RPH3A: variants seen among roughly 807,000 people sequenced by gnomAD.
The protein encoded by RPH3A is rabphilin-3A.
RPH3A carries 48 observed loss-of-function variants against 102.2 expected under a neutral mutation model. The observed-to-expected ratio is 0.47, with a 90% CI of 0.37 to 0.60. RPH3A has a LOEUF of 0.60. Ranked by LOEUF, RPH3A falls within the 20% of genes least tolerant of loss-of-function variation. The probability of loss-of-function intolerance (pLI) is 0.00; values close to 1 mark genes in which losing one functional copy is unlikely to be tolerated. For synonymous variants in RPH3A, 310 were observed against 324.3 expected (o/e 0.96, Z 0.47); for missense variants, 781 against 910.1 (o/e 0.86, Z 1.83).
chr12:112,779,686 T>A (rs1388535962), intron 1 of RPH3A, among the ~76,000 whole-genome samples: 2 of 152,098 alleles, frequency 1.3e-5, no homozygotes, highest in Non-Finnish European at 2.9e-5. Flanking sequence ...GACCACCATC[T>A]CCATACCCAT....
chr12:112,754,268 CA>C (rs1159904162), intron 1 of RPH3A, among the ~76,000 whole-genome samples: 1 of 152,194 alleles, frequency 6.6e-6, no homozygotes, highest in African/African-American at 2.4e-5. Context: ...GTAAAATGAA[CA>C]CCCTCTTCTG....
intron 1 of RPH3A, among the ~76,000 whole-genome samples, chr12:112,716,986 A>G (rs1276270871): frequency 6.6e-6 from 1 of 152,138 alleles, no homozygotes; most frequent in Non-Finnish European, 1.5e-5. Flanking sequence ...AATAGCAAAC[A>G]TCAATCGCTG....
chr12:112,725,267 A>C (rs866125211), intron 1 of RPH3A, among the ~76,000 whole-genome samples: 21,464 of 142,678 alleles, frequency 0.15, 1,907 homozygotes, highest in Admixed American at 0.2. Flanking sequence ...AAAAAAAAAA[A>C]AAAAAAAAAA....
At chr12:112,849,016 A>C (rs113251080) in intron 5 of RPH3A, among the ~76,000 whole-genome samples, 4,826 of 152,226 alleles carry the variant, frequency 0.032, 281 homozygotes, top group African/African-American at 0.11. Context: ...CTATGCCCCT[A>C]CCCAAGCCCT....
chr12:112,701,269 A>G (rs2136029143), intron 1 of RPH3A, among the ~76,000 whole-genome samples: 1 of 152,294 alleles, frequency 6.6e-6, no homozygotes, highest in Admixed American at 6.5e-5. Context: ...TACTCTTTAG[A>G]TGTAAGGAAA....
chr12:112,854,806 A>C (rs1175771734), intron 5 of RPH3A, among the ~76,000 whole-genome samples: 1 of 152,250 alleles, frequency 6.6e-6, no homozygotes, highest in East Asian at 1.9e-4. Context: ...GCCAAACCAG[A>C]CTTTGAACTT....
At chr12:112,838,371 C>T (rs1275899787) in intron 4 of RPH3A, among the ~76,000 whole-genome samples, 3 of 152,212 alleles carry the variant, frequency 2.0e-5, no homozygotes, top group Non-Finnish European at 4.4e-5. Context: ...GTGGGGGACC[C>T]ACAGCATCCC....
intron 3 of RPH3A, among the ~76,000 whole-genome samples, chr12:112,835,481 C>T (rs2136167171): frequency 6.6e-6 from 1 of 152,338 alleles, no homozygotes; most frequent in Non-Finnish European, 1.5e-5. Context: ...AGTCTGGACG[C>T]CATTTCATTA....
intron 1 of RPH3A, among the ~76,000 whole-genome samples, chr12:112,626,402 A>G (rs1353989110): frequency 4.2e-5 from 1 of 23,708 alleles, no homozygotes; most frequent in East Asian, 1.9e-3. Context: ...GGCGAAGGAC[A>G]TGAACAGACA....
chr12:112,774,214 A>G lies in RPH3A; in HGVS notation c.-139-17929A>G, dbSNP rs371938428. Reference sequence around the variant, plus strand: ...GATATATAGAGAGGTATATCTATGTATGTATATGTACAGAGATAGATATTT... The same window carrying G: ...GATATATAGAGAGGTATATCTATGTGTGTATATGTACAGAGATAGATATTT... On this transcript the variant is annotated intron_variant, in intron 1 of 21. Transcript: ENST00000543106. Among the ~76,000 whole-genome samples the G allele has an allele frequency of 1.2e-4, 19 of 152,350 alleles. 1 individual carries two copies. The highest frequency in any genetic ancestry group is 3.8e-4 in the African/African-American group (16 of 41,588).
intron 5 of RPH3A, among the ~76,000 whole-genome samples, chr12:112,861,493 G>A (rs1364181271): frequency 2.0e-5 from 3 of 152,206 alleles, no homozygotes; most frequent in East Asian, 3.9e-4. Context: ...TGTTCAAGGC[G>A]ATCCCCGTGG....
upstream of RPH3A, among the ~76,000 whole-genome samples, chr12:112,789,873 G>A (rs1354803188): frequency 7.2e-6 from 1 of 138,012 alleles, no homozygotes; most frequent in African/African-American, 2.8e-5. Context: ...GCAATATAGT[G>A]AGACCCATCT....
intron 13 of RPH3A, 77 bp from the exon 14 acceptor site, chr12:112,879,042 A>G: frequency 7.8e-7 from 1 of 1,277,008 alleles, no homozygotes. Context: ...CAGCCTGGGC[A>G]TATAGTAAGT....
intron 4 of RPH3A, among the ~76,000 whole-genome samples, chr12:112,843,451 C>T (rs992920929): frequency 2.0e-5 from 3 of 152,194 alleles, no homozygotes; most frequent in Non-Finnish European, 2.9e-5. Flanking sequence ...CAGGGCTGCT[C>T]ATCTGCAGTC....
intron 1 of RPH3A, among the ~76,000 whole-genome samples, chr12:112,628,934 G>C (rs952299439): frequency 6.6e-6 from 1 of 152,248 alleles, no homozygotes; most frequent in Admixed American, 6.5e-5. Context: ...GGCAGCGTGG[G>C]TGTGAGTCAA....
At chr12:112,638,445 G>A (rs543665906) in intron 1 of RPH3A, among the ~76,000 whole-genome samples, 3 of 152,254 alleles carry the variant, frequency 2.0e-5, no homozygotes, top group South Asian at 2.1e-4. Flanking sequence ...ATAACCACCC[G>A]AGTTAATGAA....
intron 1 of RPH3A, among the ~76,000 whole-genome samples, chr12:112,591,937 A>G (rs1008644290): frequency 6.6e-6 from 1 of 152,328 alleles, no homozygotes; most frequent in African/African-American, 2.4e-5. Context: ...CCCCTTGGAT[A>G]CCAAAACCTG....
intron 7 of RPH3A, 84 bp from the exon 8 acceptor site, chr12:112,868,346 G>A: frequency 2.9e-6 from 4 of 1,399,078 alleles, no homozygotes; most frequent in South Asian, 2.6e-5. Flanking sequence ...TGGATGAGGA[G>A]GAAAGATAAA....
chr12:112,826,139 G>A (rs1042043402), intron 2 of RPH3A, among the ~76,000 whole-genome samples: 2 of 152,124 alleles, frequency 1.3e-5, no homozygotes, highest in Admixed American at 1.3e-4. Flanking sequence ...CGGTCAGGGA[G>A]GCCCTCTTGG....
Sources: allele counts gnomAD v4.1 joint callset (sites outside exome capture counted in the v4.1 genomes callset), GRCh38; gene constraint gnomAD v4.1.1; transcripts MANE v1.5; gene names NCBI Gene and HGNC (gene_info 2026-07-23, HGNC 2026-07-21).